ATAD2B: variants seen among roughly 807,000 people sequenced by gnomAD.
The protein encoded by ATAD2B is ATPase family AAA domain containing 2B.
ATAD2B carries 40 observed loss-of-function variants against 167.6 expected under a neutral mutation model. The ratio of observed to expected loss-of-function variants is 0.24; its 90% CI spans 0.19 to 0.31. The LOEUF (loss-of-function observed/expected upper bound fraction) is 0.31. ATAD2B is among the 10% of genes least tolerant of loss of function. The pLI, the probability that ATAD2B is intolerant of heterozygous loss-of-function variation, is 1.00. For synonymous variants in ATAD2B, 579 were observed against 596.5 expected, an observed-to-expected ratio of 0.97 and a Z score of 0.43; for missense variants, 1,242 against 1,757.2, an observed-to-expected ratio of 0.71 and a Z score of 5.24.
At chr2:23,705,663 G>A in the ATAD2B span, among the ~76,000 whole-genome samples, 1 of 152,190 alleles carries the variant, frequency 6.6e-6, no homozygotes, top group Non-Finnish European at 1.5e-5. Flanking sequence ...AGTCCAGACT[G>A]ATGTGTTCTC....
Position 23,833,865 on chromosome 2 carries a change from C to T in ATAD2B, c.1728+54G>A, listed in dbSNP as rs148032719. 6.8e-4 allele frequency: 921 copies of T among 1,359,582 alleles called. 6 individuals carry two copies. The African/African-American group carries it at 0.012, about 18-fold the overall frequency. 84.2% of individuals were successfully genotyped at this position (1,359,582 alleles called of 1,614,324 possible). ...TAAAATATCACCCTCAGAACATATG[C>T]CTTATAGTAGAATTACATATAAATG... On this transcript the variant is annotated intron_variant, in intron 14 of 27. Coordinates refer to ENST00000238789, the MANE Select transcript of ATAD2B (RefSeq NM_017552.4).
the ATAD2B span, among the ~76,000 whole-genome samples, chr2:23,701,736 C>G: frequency 2.0e-4 from 30 of 151,656 alleles, no homozygotes; most frequent in Admixed American, 1.6e-3. Context: ...AACCTTCACC[C>G]ACTGCACTCT....
Position 23,926,748 on chromosome 2 carries a change from G to A in ATAD2B, c.23C>T (p.Ser8Phe). 5.8e-6 allele frequency: 9 copies of A among 1,546,824 alleles called. No individual in the cohort carries two copies. Among genetic ancestry groups the A allele is most frequent in the Non-Finnish European group, 7.9e-6 (9 of 1,145,632 alleles). The change falls in exon 1 of 28, where the codon TCT becomes TTT. Residue 8 changes from serine (S) to phenylalanine (F), a missense_variant. Around this residue, in one of 9 missense-constraint regions of ATAD2B, gnomAD observed 199 missense variants for 194.9 expected, o/e 1.02. Transcript: ENST00000238789. MVNTRKS[S>F]LRLLGSKSPG... is the part of the protein sequence containing the mutation. The stretch of plus-strand genomic sequence containing the variant: ...AGACTTGGACCCGAGAAGGCGGAGA[G>A]AGCTCTTCCGGGTGTTCACCATGGT...
At chr2:23,893,177 C>T (rs1699765237) in intron 2 of ATAD2B, among the ~76,000 whole-genome samples, 1 of 152,126 alleles carries the variant, frequency 6.6e-6, no homozygotes, top group African/African-American at 2.4e-5. Context: ...TATCTTCATC[C>T]AATTACCTAA....
At chr2:23,757,250 G>A (rs1676058868) in intron 25 of ATAD2B, among the ~76,000 whole-genome samples, 168 bp downstream of exon 25, 1 of 152,154 alleles carries the variant, frequency 6.6e-6, no homozygotes, top group Non-Finnish European at 1.5e-5. Flanking sequence ...GTGTGTGTGT[G>A]TACGTGCACA....
chr2:23,754,482 T>C lies in ATAD2B; in HGVS notation c.4206+165A>G, dbSNP rs115069757. Among the ~76,000 whole-genome samples the C allele has an allele frequency of 4.4e-3, 669 of 152,300 alleles. 3 individuals are homozygous for C. The highest frequency in any genetic ancestry group is 0.016 in the African/African-American group (650 of 41,558). ...CTTAGAATATCTTGGACTACTCCCG[T>C]ATCTTTCAACTCCTTAAAATACACA... On this transcript the variant is annotated intron_variant, in intron 26 of 27. Transcript: ENST00000238789.
At chr2:23,700,504 A>T in the ATAD2B span, among the ~76,000 whole-genome samples, 1 of 152,168 alleles carries the variant, frequency 6.6e-6, no homozygotes. This position sits in a 1 kb window ranked among gnomAD's most constrained non-coding sequence, Gnocchi z 4.6. Context: ...CTCCATGTTC[A>T]GCAACATCCC....
intron 7 of ATAD2B, among the ~76,000 whole-genome samples, chr2:23,878,950 A>G (rs989289083): frequency 1.3e-5 from 2 of 152,236 alleles, no homozygotes; most frequent in Non-Finnish European, 2.9e-5. Context: ...CCATTAGGGA[A>G]ATGTAAACTA....
At chr2:23,874,668 T>G (rs147135461) in intron 8 of ATAD2B, among the ~76,000 whole-genome samples, 148 of 151,272 alleles carry the variant, frequency 9.8e-4, no homozygotes, top group African/African-American at 3.5e-3. Context: ...ATAGCACGCC[T>G]AGGTGACAGA....
At chr2:23,781,736 C>CT (rs112432597) in intron 22 of ATAD2B, among the ~76,000 whole-genome samples, 8,095 of 144,438 alleles carry the variant, frequency 0.056, 260 homozygotes, top group Non-Finnish European at 0.074. Context: ...ACTGCTGTTT[C>CT]TTTTTTTTTT....
chr2:23,903,451 CTTT>C (rs1307273844), intron 1 of ATAD2B, among the ~76,000 whole-genome samples: 1 of 152,020 alleles, frequency 6.6e-6, no homozygotes, highest in African/African-American at 2.4e-5. Context: ...ACTTAAGCAA[CTTT>C]TTTAATTCTA....
intron 1 of ATAD2B, among the ~76,000 whole-genome samples, chr2:23,920,731 T>A (rs1030294727): frequency 1.3e-5 from 2 of 152,186 alleles, no homozygotes; most frequent in African/African-American, 4.8e-5. Flanking sequence ...AACTTATATT[T>A]AAATGAAGTT....
intron 19 of ATAD2B, among the ~76,000 whole-genome samples, chr2:23,791,009 C>A (rs1489525354): frequency 6.6e-6 from 1 of 152,210 alleles, no homozygotes; most frequent in Non-Finnish European, 1.5e-5. Flanking sequence ...ATAATGCTTT[C>A]TGTCTCTAGA....
chr2:23,827,330 C>T (rs1406794347), intron 15 of ATAD2B, among the ~76,000 whole-genome samples: 1 of 151,984 alleles, frequency 6.6e-6, no homozygotes, highest in Non-Finnish European at 1.5e-5. Context: ...CTAAAAAAAT[C>T]ACTGGGAAAA....
intron 21 of ATAD2B, among the ~76,000 whole-genome samples, chr2:23,783,668 A>G (rs1345144803): frequency 6.6e-6 from 1 of 152,132 alleles, no homozygotes; most frequent in Non-Finnish European, 1.5e-5. Context: ...ATTTTCTGTG[A>G]GATAACCCTA....
At chr2:23,818,230 AGAGG>A (rs1211994343) in intron 17 of ATAD2B, among the ~76,000 whole-genome samples, 1 of 87,070 alleles carries the variant, frequency 1.1e-5, no homozygotes, top group African/African-American at 4.5e-5. Flanking sequence ...AGGGAAGAAG[AGAGG>A]GAGGGAGGGA....
At chr2:23,831,743 G>C (rs1689107192) in intron 14 of ATAD2B, among the ~76,000 whole-genome samples, 1 of 152,136 alleles carries the variant, frequency 6.6e-6, no homozygotes, top group Non-Finnish European at 1.5e-5. Flanking sequence ...CCTATCTAAA[G>C]TCATTCACAC....
chr2:23,880,767 C>T lies in ATAD2B; in HGVS notation c.785-12G>A, dbSNP rs1697757532. 1.3e-6 allele frequency: 2 copies of T among 1,489,700 alleles called. No homozygotes were observed. The highest frequency in any genetic ancestry group is 1.2e-5 in the South Asian group (1 of 85,956). 92.3% of individuals were successfully genotyped at this position (1,489,700 alleles called of 1,614,324 possible). A position where few individuals can be genotyped will look rare whatever the true frequency, so the allele number is the denominator to read the frequency against. Reference sequence around the variant, plus strand: ...CTCCTCTTGAGATTCTAGTTTCCCACACACAAAAAGAAAAGAAAAAGGCAT... The same window carrying T: ...CTCCTCTTGAGATTCTAGTTTCCCATACACAAAAAGAAAAGAAAAAGGCAT... On this transcript the variant is annotated splice_polypyrimidine_tract_variant and intron_variant, in intron 6 of 27. Transcript: ENST00000238789.
At chr2:23,882,884 A>G (rs1287396997) in intron 6 of ATAD2B, among the ~76,000 whole-genome samples, 1 of 152,110 alleles carries the variant, frequency 6.6e-6, no homozygotes, top group African/African-American at 2.4e-5. Context: ...GCAATATGTA[A>G]CTTTTTAACC....
Sources: gnomAD v4.1 joint callset for allele counts (sites outside exome capture counted in the v4.1 genomes callset) on GRCh38, gnomAD v4.1.1 for gene constraint, gnomAD v4.1.1 regional missense constraint, Gnocchi (gnomAD v3.1) non-coding constraint, MANE v1.5 for transcripts, NCBI Gene and HGNC (gene_info 2026-07-23, HGNC 2026-07-21) for gene names.